The following BRSK2 variants were observed in gnomAD, a reference collection of about 807,000 sequenced individuals.
BRSK2 encodes BR serine/threonine kinase 2.
Under a neutral mutation model 83.3 loss-of-function variants are expected in BRSK2, and 19 were observed. The observed-to-expected ratio is 0.23, with a 90% CI of 0.16 to 0.33. BRSK2 has a LOEUF of 0.33. Ranked by LOEUF, BRSK2 falls within the 10% of genes least tolerant of loss-of-function variation. The pLI, the probability that BRSK2 is intolerant of heterozygous loss-of-function variation, is 1.00. For synonymous variants in BRSK2, 519 were observed against 435.4 expected, an observed-to-expected ratio of 1.19 and a Z score of -2.39; for missense variants, 798 against 1,042.3, an observed-to-expected ratio of 0.77 and a Z score of 3.23.
chr11:1,399,790 C>T (rs978880951), intron 1 of BRSK2, among the ~76,000 whole-genome samples: 7 of 152,294 alleles, frequency 4.6e-5, no homozygotes, highest in African/African-American at 1.2e-4. Context: ...CCGGTGCCGT[C>T]GGGCCCAGCC....
intron 1 of BRSK2, among the ~76,000 whole-genome samples, chr11:1,404,761 A>G (rs1241375690): frequency 6.6e-6 from 1 of 152,102 alleles, no homozygotes; most frequent in African/African-American, 2.4e-5. Context: ...GCCGCCCGCT[A>G]CCCACTGCCC....
At chr11:1,427,652 A>G (rs922428183) in intron 1 of BRSK2, among the ~76,000 whole-genome samples, 2 of 152,216 alleles carry the variant, frequency 1.3e-5, no homozygotes, top group African/African-American at 4.8e-5. Context: ...GGCCCTGGGC[A>G]GTGATCTGTG....
In BRSK2 at chr11:1,421,890, G is replaced by A. The variant is rs181656417; in HGVS notation, c.92-14150G>A. Among the ~76,000 whole-genome samples the A allele has an allele frequency of 1.7e-3, 265 of 152,062 alleles. 1 individual carries two copies. Among genetic ancestry groups the A allele is most frequent in the African/African-American group, 6.2e-3 (257 of 41,498 alleles). On this transcript the variant is annotated intron_variant, in intron 1 of 19. Coordinates refer to ENST00000528841, the MANE Select transcript of BRSK2 (RefSeq NM_001256627.2). ...CCCCAGCCTGGGGAGCAAACCTGCC[G>A]GCCCAGCACCGGGGTCTCTGCTGGA...
intron 18 of BRSK2, among the ~76,000 whole-genome samples, chr11:1,457,953 C>G (rs1846844505): frequency 6.6e-6 from 1 of 152,184 alleles, no homozygotes; most frequent in Admixed American, 6.5e-5. Flanking sequence ...GAGCAGGGTT[C>G]CAGGTGCTCG....
intron 1 of BRSK2, among the ~76,000 whole-genome samples, chr11:1,407,003 C>G (rs1256984246): frequency 6.6e-6 from 1 of 152,186 alleles, no homozygotes; most frequent in African/African-American, 2.4e-5. Context: ...TCTGTGCATC[C>G]TTGTCTGCCT....
chr11:1,390,413 C>G lies in BRSK2; in HGVS notation c.91+38C>G, dbSNP rs765915318. 1.0e-3 allele frequency: 1,034 copies of G among 998,088 alleles called. No homozygotes were observed. The highest frequency in any genetic ancestry group is 1.2e-3 in the Non-Finnish European group (988 of 831,246). The allele number at this position is 998,088 out of a possible 1,614,324, so 61.8% of individuals were successfully genotyped here. A position where few individuals can be genotyped will look rare whatever the true frequency, so the allele number is the denominator to read the frequency against. ...GGGGCGGGGACCGGGGCCGGGGAGG[C>G]CGCGCTGGCAGCGCGCTGGGTGGGG... On this transcript the variant is annotated intron_variant, in intron 1 of 19. Coordinates refer to ENST00000528841, the MANE Select transcript of BRSK2 (RefSeq NM_001256627.2). The surrounding 1 kb of genome is among the most constrained non-coding windows in gnomAD (Gnocchi z 6.8).
In BRSK2 at chr11:1,438,019, G is replaced by A. The variant is rs1590533027; in HGVS notation, c.187-287G>A. ...CCAGGGCCCCAGCTGAGCAGCCCAC[G>A]TCCCTGCATCCCCCACAGCTGGCAC... On this transcript the variant is annotated intron_variant, in intron 2 of 19. Transcript: ENST00000528841. The surrounding 1 kb of genome is among the most constrained non-coding windows in gnomAD (Gnocchi z 6.4). Among the ~76,000 whole-genome samples the A allele has an allele frequency of 6.6e-6, 1 of 152,006 alleles. No individual in the cohort carries two copies. Among genetic ancestry groups the A allele is most frequent in the South Asian group, 2.1e-4 (1 of 4,822 alleles).
At chr11:1,419,988 G>A (rs1178572491) in intron 1 of BRSK2, among the ~76,000 whole-genome samples, 4 of 152,202 alleles carry the variant, frequency 2.6e-5, no homozygotes, top group East Asian at 1.9e-4. Flanking sequence ...TCCAGGCTCC[G>A]CGCCTCCTCC....
Position 1,423,342 on chromosome 11 carries a change from G to C in BRSK2, c.92-12698G>C, listed in dbSNP as rs563696708. On this transcript the variant is annotated intron_variant, in intron 1 of 19. Coordinates refer to ENST00000528841, the MANE Select transcript of BRSK2 (RefSeq NM_001256627.2). This position sits in a 1 kb window ranked among gnomAD's most constrained non-coding sequence, Gnocchi z 6.5. ...AGTTCGAGACCTCGTAAATACTTCA[G>C]TGCAGAGCCTTCAGTTAGGAGCCGA... Among the ~76,000 whole-genome samples, 205 of 152,284 alleles carry C rather than the reference G, an allele frequency of 1.3e-3. 1 individual carries two copies. The highest frequency in any genetic ancestry group is 4.8e-3 in the African/African-American group (200 of 41,568).
chr11:1,454,840 G>C lies in BRSK2; in HGVS notation c.1668+232G>C, dbSNP rs1415197025. ...GGTGCTTGGCCTGCGGAGGGAGTCA[G>C]GGCTTTGCTCACTGGTCCCCAGCAG... is the stretch of plus-strand genomic sequence containing the variant. On this transcript the variant is annotated intron_variant, in intron 16 of 19. Transcript: ENST00000528841. This position sits in a 1 kb window ranked among gnomAD's most constrained non-coding sequence, Gnocchi z 5.2. 6.6e-6 allele frequency among the ~76,000 whole-genome samples: 1 copy of C among 152,252 alleles called. No homozygotes were observed. Among genetic ancestry groups the C allele is most frequent in the African/African-American group, 2.4e-5 (1 of 41,468 alleles).
chr11:1,396,788 G>A lies in BRSK2; in HGVS notation c.91+6413G>A, dbSNP rs552649546. Among the ~76,000 whole-genome samples, 217 of 152,298 alleles carry A rather than the reference G, an allele frequency of 1.4e-3. 1 individual carries two copies. The highest frequency in any genetic ancestry group is 2.3e-3 in the Non-Finnish European group (158 of 68,004). ...GGGCTGGTCCCCGTGACTGCCGGCC[G>A]CCGGCATCCACCTATGTGGGGCTGT... On this transcript the variant is annotated intron_variant, in intron 1 of 19. Transcript: ENST00000528841.
At position 1,421,371 on chromosome 11, in the gene BRSK2, G is replaced by C. The variant is rs566552130; in HGVS notation, c.92-14669G>C. Among the ~76,000 whole-genome samples, 20 of 152,230 alleles carry C rather than the reference G, an allele frequency of 1.3e-4. No homozygotes were observed. The East Asian group carries it at 3.7e-3, about 28-fold the overall frequency. On this transcript the variant is annotated intron_variant, in intron 1 of 19. Coordinates refer to ENST00000528841, the MANE Select transcript of BRSK2 (RefSeq NM_001256627.2). ...CTGCTTGGAAGGGACCTGGATCCTG[G>C]AACAGCCTAGGGCTGGGAAGCTGCT... is the stretch of plus-strand genomic sequence containing the variant.
At chr11:1,395,256 C>T (rs11599943) in intron 1 of BRSK2, among the ~76,000 whole-genome samples, 3,646 of 152,234 alleles carry the variant, frequency 0.024, 67 homozygotes, top group South Asian at 0.035. Context: ...GGTCTCAGGA[C>T]GCTGTTCTCA....
rs1238260017 is a variant in BRSK2, at chr11:1,456,498, A to G, written c.1819A>G (p.Ile607Val). 1 of 1,577,012 alleles carries G rather than the reference A, an allele frequency of 6.3e-7. No homozygotes were observed. The highest frequency in any genetic ancestry group is 8.6e-7 in the Non-Finnish European group (1 of 1,160,494). ...TGGGGAGGCGCAGAAGGAGAACGGC[A>G]TCTACTCCGTCACCTTCACCCTGCT... Reference protein sequence around the residue: ...EGGEAQKENGIYSVTFTLLSG... With the variant: ...EGGEAQKENGVYSVTFTLLSG... The change falls in exon 17 of 20, where the codon ATC (isoleucine) becomes GTC (valine). Residue 607 changes from isoleucine (I) to valine (V), a missense_variant. This residue lies in a region of BRSK2 where 455 missense variants were observed against 455.2 expected (regional missense o/e 1.00). Transcript: ENST00000528841.
chr11:1,452,732 C>A (rs993586694), intron 15 of BRSK2, among the ~76,000 whole-genome samples: 20 of 152,288 alleles, frequency 1.3e-4, no homozygotes, highest in African/African-American at 3.6e-4. Flanking sequence ...AGCACAGACA[C>A]CTCCCACAGC....
intron 1 of BRSK2, among the ~76,000 whole-genome samples, chr11:1,415,638 G>A (rs1047585696): frequency 1.5e-4 from 23 of 152,312 alleles, no homozygotes; most frequent in African/African-American, 5.1e-4. Context: ...CCACAGAAAA[G>A]GCAGCCCTGG....
Position 1,423,832 on chromosome 11 carries a change from C to A in BRSK2, c.92-12208C>A, listed in dbSNP as rs983352712. 1.3e-5 allele frequency among the ~76,000 whole-genome samples: 2 copies of A among 151,366 alleles called. No homozygotes were observed. Among genetic ancestry groups the A allele is most frequent in the African/African-American group, 2.4e-5 (1 of 41,190 alleles). On this transcript the variant is annotated intron_variant, in intron 1 of 19. Transcript: ENST00000528841. This position sits in a 1 kb window ranked among gnomAD's most constrained non-coding sequence, Gnocchi z 6.5. ...TGGGCGTTCCGGGTGCCCCAGGCCT[C>A]CCCCGCTGAGTGTTCCCGGTGCCCC... is the stretch of plus-strand genomic sequence containing the variant.
chr11:1,434,048 C>A (rs909251398), intron 1 of BRSK2, among the ~76,000 whole-genome samples: 1 of 152,356 alleles, frequency 6.6e-6, no homozygotes, highest in African/African-American at 2.4e-5. Context: ...ACGCGTGAGA[C>A]AAAGGATTAA....
chr11:1,458,660 G>T (rs1475503296), intron 18 of BRSK2, among the ~76,000 whole-genome samples: 1 of 152,172 alleles, frequency 6.6e-6, no homozygotes, highest in Non-Finnish European at 1.5e-5. Flanking sequence ...GCCAGTGAGG[G>T]CCTTGAGGGA....
Sources: gnomAD v4.1 joint callset for allele counts (sites outside exome capture counted in the v4.1 genomes callset) on GRCh38, gnomAD v4.1.1 for gene constraint, gnomAD v4.1.1 regional missense constraint, Gnocchi (gnomAD v3.1) non-coding constraint, MANE v1.5 for transcripts, NCBI Gene and HGNC (gene_info 2026-07-23, HGNC 2026-07-21) for gene names.